The following HESX1 variants were observed in gnomAD, a reference collection of about 807,000 sequenced individuals.
HESX1 encodes the protein HESX homeobox 1.
Under a neutral mutation model 22.5 loss-of-function variants are expected in HESX1, and 11 were observed. The ratio of observed to expected loss-of-function variants is 0.49; its 90% CI spans 0.31 to 0.81. The LOEUF (loss-of-function observed/expected upper bound fraction) is 0.81. Among genes scored for constraint, HESX1 ranks in the 30% least tolerant of loss-of-function variants. HESX1 has a pLI of 0.05. For missense variants in HESX1, 201 were observed against 212.6 expected (o/e 0.95, Z 0.34); for synonymous variants, 74 against 76.5 (o/e 0.97, Z 0.17).
chr3:57,216,558 G>C lies in HESX1; in HGVS notation c.-111+9738C>G, dbSNP rs531167282. ...GCCCAGGAGGTCGAGGCTGCAGTGAGCTATATTGTGCCACTGCACTCCAGG... is the reference window on the plus strand; with the variant it reads ...GCCCAGGAGGTCGAGGCTGCAGTGACCTATATTGTGCCACTGCACTCCAGG... On this transcript the variant is annotated intron_variant, in intron 1 of 2. Coordinates refer to the HESX1 transcript ENST00000495160. 2.6e-5 allele frequency among the ~76,000 whole-genome samples: 4 copies of C among 152,212 alleles called. No individual in the cohort carries two copies. In the South Asian group the frequency reaches 8.3e-4, roughly 32 times the overall value.
At chr3:57,205,993 C>A (rs1026695447) in intron 1 of HESX1, among the ~76,000 whole-genome samples, 1 of 152,082 alleles carries the variant, frequency 6.6e-6, no homozygotes, top group East Asian at 1.9e-4. Context: ...GAGTTTGAGA[C>A]CAGCCTGGCC....
chr3:57,207,490 A>C (rs1378989105), intron 1 of HESX1, among the ~76,000 whole-genome samples: 1 of 152,208 alleles, frequency 6.6e-6, no homozygotes, highest in African/African-American at 2.4e-5. Context: ...TGTAATGAGA[A>C]GAGGACTTGG....
upstream of HESX1, among the ~76,000 whole-genome samples, chr3:57,201,485 G>C (rs769670851): frequency 4.0e-5 from 6 of 151,582 alleles, no homozygotes; most frequent in Non-Finnish European, 1.5e-5. Flanking sequence ...TCCACAATTG[G>C]TTGAGCACCT....
upstream of HESX1, among the ~76,000 whole-genome samples, chr3:57,227,506 G>A (rs547377828): frequency 2.7e-4 from 41 of 152,374 alleles, no homozygotes; most frequent in African/African-American, 9.9e-4. Flanking sequence ...GCAAGCTGAG[G>A]AAGAGACGGT....
chr3:57,213,064 C>T (rs573435687), intron 1 of HESX1, among the ~76,000 whole-genome samples: 2 of 152,202 alleles, frequency 1.3e-5, no homozygotes, highest in South Asian at 2.1e-4. Context: ...CACACACACA[C>T]ACACACACCA....
chr3:57,201,421 A>T (rs560366912), upstream of HESX1, among the ~76,000 whole-genome samples: 1 of 152,096 alleles, frequency 6.6e-6, no homozygotes, highest in South Asian at 2.1e-4. Context: ...GAAGCGAGAG[A>T]ATACAGGACC....
chr3:57,199,825 T>G lies in HESX1; in HGVS notation c.94A>C (p.Lys32Gln). 1.2e-6 allele frequency: 2 copies of G among 1,614,060 alleles called. No homozygotes were observed. Among genetic ancestry groups the G allele is most frequent in the Non-Finnish European group, 1.7e-6 (2 of 1,179,988 alleles). The change falls in exon 1 of 4, where the codon AAG becomes CAG. Residue 32 changes from lysine (K) to glutamine (Q), a missense_variant. Physicochemically the swap from Lys to Gln is moderately conservative, Grantham distance 53. Transcript: ENST00000295934. ...TTCATTAATGGAACACAGTCTTTCT[T>G]CTGGTCCAGTCCTAAGATTCTCTCA... is the stretch of plus-strand genomic sequence containing the variant. ...SIERILGLDQ[K>Q]KDCVPLMKPH...
chr3:57,198,686 G>C lies in HESX1; in HGVS notation c.357+67C>G. Reference sequence around the variant, plus strand: ...TAAACTGAGATACCAAAGTGAGTGGGCTTTTGCTCAACTTGGTGTCAATTA... The same window carrying C: ...TAAACTGAGATACCAAAGTGAGTGGCCTTTTGCTCAACTTGGTGTCAATTA... On this transcript the variant is annotated intron_variant, in intron 2 of 3. Transcript: ENST00000295934. The C allele has an allele frequency of 2.1e-6, 3 of 1,411,868 alleles. No homozygotes were observed. The South Asian group carries it at 3.5e-5, about 16-fold the overall frequency. 87.5% of individuals were successfully genotyped at this position (1,411,868 alleles called of 1,614,324 possible). A position where few individuals can be genotyped will look rare whatever the true frequency, so the allele number is the denominator to read the frequency against.
chr3:57,201,206 AT>A (rs2060483497), upstream of HESX1, among the ~76,000 whole-genome samples: 1 of 152,236 alleles, frequency 6.6e-6, no homozygotes, highest in South Asian at 2.1e-4. Context: ...ATTGAGCTAA[AT>A]TCCTCCTGAT....
upstream of HESX1, chr3:57,200,164 G>C (rs2060477121): frequency 2.0e-6 from 1 of 499,080 alleles, no homozygotes; most frequent in Non-Finnish European, 3.7e-6. Context: ...GGCTACACCA[G>C]GGGGGCCACC....
chr3:57,220,333 T>A (rs72875867), intron 1 of HESX1, among the ~76,000 whole-genome samples: 10,749 of 152,290 alleles, frequency 0.071, 1,272 homozygotes, highest in African/African-American at 0.24. Flanking sequence ...TGAATGTGAT[T>A]TAGCTAAATC....
In HESX1 at chr3:57,198,441, T is replaced by C; in HGVS notation, c.409A>G (p.Ile137Val). 1.2e-6 allele frequency: 2 copies of C among 1,608,186 alleles called. No homozygotes were observed. Among genetic ancestry groups the C allele is most frequent in the South Asian group, 2.2e-5 (2 of 90,858 alleles). Residue 137 changes from isoleucine to valine, a missense_variant, in exon 3 of 4, where the codon ATT (isoleucine) becomes GTT (valine). Transcript: ENST00000295934. ...FRVNCYPGID[I>V]REDLAQKLNL... ...AATTTTTGAGCTAAGTCTTCTCTAA[T>C]ATCGATACCAGGATAGCAGTTTACT... is the stretch of plus-strand genomic sequence containing the variant.
At chr3:57,211,795 T>C (rs2060555994) in intron 1 of HESX1, among the ~76,000 whole-genome samples, 1 of 151,588 alleles carries the variant, frequency 6.6e-6, no homozygotes, top group Non-Finnish European at 1.5e-5. Context: ...ATCGCGCCAC[T>C]GCACTCCAGC....
chr3:57,199,858 AG>A lies in HESX1; in HGVS notation c.60del (p.Ser22GlnfsTer6), dbSNP rs867034719. On this transcript the variant is annotated frameshift_variant, in exon 1 of 4. Transcript: ENST00000295934. LOFTEE classifies it high-confidence loss of function. The part of the protein sequence containing the change: ...QLGENKPSTC[S>X]FSIERILGLD... The stretch of plus-strand genomic sequence containing the variant: ...AGTCCTAAGATTCTCTCAATTGAAA[AG>A]GAGCAAGTTGAGGGTTTGTTTTCCC... The A allele has an allele frequency of 1.2e-6, 2 of 1,613,916 alleles. No individual in the cohort carries two copies. Among genetic ancestry groups the A allele is most frequent in the African/African-American group, 2.7e-5 (2 of 74,904 alleles).
chr3:57,216,468 C>T (rs143551557), intron 1 of HESX1, among the ~76,000 whole-genome samples: 1 of 152,166 alleles, frequency 6.6e-6, no homozygotes, highest in East Asian at 1.9e-4. Context: ...AAAAATTAGC[C>T]AGGCCTGGTG....
At chr3:57,214,679 T>C (rs2060573875) in intron 1 of HESX1, among the ~76,000 whole-genome samples, 1 of 152,208 alleles carries the variant, frequency 6.6e-6, no homozygotes, top group Admixed American at 6.5e-5. Flanking sequence ...ACTTACTTAT[T>C]GCTGTTATCA....
intron 1 of HESX1, among the ~76,000 whole-genome samples, chr3:57,214,720 C>T (rs555308503): frequency 1.4e-4 from 21 of 152,180 alleles, no homozygotes; most frequent in Admixed American, 3.9e-4. Flanking sequence ...CAGAGATGTG[C>T]TGAGGCAGAG....
intron 1 of HESX1, among the ~76,000 whole-genome samples, chr3:57,206,136 A>T (rs539518461): frequency 6.6e-6 from 1 of 152,358 alleles, no homozygotes; most frequent in East Asian, 1.9e-4. Context: ...GGTGGCAGTG[A>T]GCCGAGATCA....
chr3:57,204,177 TTTTTA>T (rs987237070), upstream of HESX1, among the ~76,000 whole-genome samples: 6 of 152,182 alleles, frequency 3.9e-5, no homozygotes, highest in Admixed American at 1.3e-4. Flanking sequence ...TTTTCTTTTC[TTTTTA>T]TTTTATTTTA....
Sources: allele counts gnomAD v4.1 joint callset (sites outside exome capture counted in the v4.1 genomes callset), GRCh38; gene constraint gnomAD v4.1.1; transcripts MANE v1.5; gene names NCBI Gene and HGNC (gene_info 2026-07-23, HGNC 2026-07-21).